Variants in LARS2 observed in about 807,000 individuals in gnomAD.
The protein encoded by LARS2 is leucyl-tRNA synthetase 2, mitochondrial, also known as leucine--tRNA ligase, mitochondrial.
Under a neutral mutation model 116.6 loss-of-function variants are expected in LARS2, and 81 were observed. That is an observed-to-expected ratio of 0.69 (90% CI 0.58 to 0.84). The LOEUF is 0.84. LARS2 is among the 40% of genes least tolerant of loss of function. The probability of loss-of-function intolerance (pLI) is 0.00; values close to 1 mark genes in which losing one functional copy is unlikely to be tolerated. For synonymous variants in LARS2, 396 were observed against 407.2 expected, an observed-to-expected ratio of 0.97 and a Z score of 0.33; for missense variants, 968 against 1,114.5, an observed-to-expected ratio of 0.87 and a Z score of 1.87.
chr3:45,528,394 G>A (rs577157725), intron 20 of LARS2, among the ~76,000 whole-genome samples: 2 of 152,200 alleles, frequency 1.3e-5, no homozygotes, highest in South Asian at 4.2e-4. Flanking sequence ...ATTGTATTTT[G>A]TGTCCACTTG....
At chr3:45,440,576 T>TTTTTGTTTTG (rs71301232) in intron 6 of LARS2, among the ~76,000 whole-genome samples, 2 of 151,914 alleles carry the variant, frequency 1.3e-5, no homozygotes, top group Non-Finnish European at 2.9e-5. Flanking sequence ...TGCCTCGGGT[T>TTTTTGTTTTG]TTTTGTTTTG....
chr3:45,474,261 G>T lies in LARS2; in HGVS notation c.769G>T (p.Ala257Ser). 6.2e-7 allele frequency: 1 copy of T among 1,609,984 alleles called. No individual in the cohort carries two copies. Among genetic ancestry groups the T allele is most frequent in the Non-Finnish European group, 8.5e-7 (1 of 1,176,980 alleles). Residue 257 changes from alanine to serine, a missense_variant, in exon 9 of 22, where the codon GCA becomes TCA. Ala to Ser is a moderately conservative substitution (Grantham distance 99, BLOSUM62 1). Coordinates refer to ENST00000645846, the MANE Select transcript of LARS2 (RefSeq NM_015340.4). Reference sequence around the variant, plus strand: ...TGCACAGGCCATGCAGGACGCGTTGGCAGACCTTCCAGAATGGTATGGAAT... The same window carrying T: ...TGCACAGGCCATGCAGGACGCGTTGTCAGACCTTCCAGAATGGTATGGAAT... ...AYAKAMQDAL[A>S]DLPEWYGIKG...
At chr3:45,400,943 A>T (rs1698136410) in intron 4 of LARS2, among the ~76,000 whole-genome samples, 2 of 151,848 alleles carry the variant, frequency 1.3e-5, no homozygotes, top group South Asian at 4.2e-4. Flanking sequence ...CCTCCCGAGT[A>T]GCTGGGACTA....
intron 7 of LARS2, among the ~76,000 whole-genome samples, chr3:45,454,640 C>T (rs1699185431): frequency 6.6e-6 from 1 of 152,146 alleles, no homozygotes; most frequent in African/African-American, 2.4e-5. Flanking sequence ...ATGGAATTGG[C>T]TTCAGTAGGT....
At position 45,547,483 on chromosome 3, in the gene LARS2, T is replaced by C. The variant is rs777803539; in HGVS notation, c.2665T>C (p.Phe889Leu). 4 of 1,612,766 alleles carry C rather than the reference T, an allele frequency of 2.5e-6. No individual in the cohort carries two copies. Among genetic ancestry groups the C allele is most frequent in the Non-Finnish European group, 3.4e-6 (4 of 1,179,642 alleles). Residue 889 changes from phenylalanine to leucine, a missense_variant, in exon 22 of 22, where the codon TTC (phenylalanine) becomes CTC (leucine). Transcript: ENST00000645846. ...LLQGRSIKKS[F>L]LSPRTALINF... ...GCAAGGACGAAGCATCAAGAAGTCCTTCCTTTCCCCGAGAACTGCCCTCAT... is the reference window on the plus strand; with the variant it reads ...GCAAGGACGAAGCATCAAGAAGTCCCTCCTTTCCCCGAGAACTGCCCTCAT...
chr3:45,505,837 A>G (rs969253061), intron 15 of LARS2, among the ~76,000 whole-genome samples: 1 of 152,134 alleles, frequency 6.6e-6, no homozygotes, highest in Non-Finnish European at 1.5e-5. Flanking sequence ...TAAATTATTC[A>G]ATGGCCAAGT....
At position 45,547,554 on chromosome 3, in the gene LARS2, C is replaced by T. The variant is rs538841903; in HGVS notation, c.*24C>T. ...GACAGCCAGGAGGCTGCAGCTACCA[C>T]GAGGGCCTCTGAGGAACCTCCTTCC... On this transcript the variant is annotated 3_prime_UTR_variant, in exon 22 of 22. Transcript: ENST00000645846. The T allele has an allele frequency of 1.9e-6, 3 of 1,580,582 alleles. No homozygotes were observed. Among genetic ancestry groups the T allele is most frequent in the East Asian group, 2.3e-5 (1 of 44,416 alleles).
At chr3:45,419,789 G>A in intron 6 of LARS2, 60 bp downstream of exon 6, 1 of 1,344,712 alleles carries the variant, frequency 7.4e-7, no homozygotes. Flanking sequence ...ATGGCAGGGA[G>A]CACTCTTCTT....
chr3:45,421,176 C>T (rs916578572), intron 6 of LARS2: 1 of 152,104 alleles, frequency 6.6e-6, no homozygotes, highest in African/African-American at 2.4e-5. Flanking sequence ...TGCAGATTCT[C>T]AATCCTTCTT....
chr3:45,441,317 A>G (rs766074519), intron 6 of LARS2, among the ~76,000 whole-genome samples: 26 of 152,054 alleles, frequency 1.7e-4, no homozygotes, highest in Non-Finnish European at 2.9e-4. Context: ...GAGCCATTGC[A>G]CCCGGCCCAT....
rs1156814528 is a variant in LARS2 at position 45,484,603 on chromosome 3, C to CAAA, written c.1019-1063_1019-1061dup. Among the ~76,000 whole-genome samples, 45 of 14,726 alleles carry CAAA rather than the reference C, an allele frequency of 3.1e-3. 6 individuals are homozygous for CAAA. Among genetic ancestry groups the CAAA allele is most frequent in the African/African-American group, 7.4e-3 (40 of 5,418 alleles). 9.7% of individuals were successfully genotyped at this position (14,726 alleles called of 152,430 possible). A position where few individuals can be genotyped will look rare whatever the true frequency, so the allele number is the denominator to read the frequency against. ...TGACATAGCAAGACCCCTGTCTCTA[C>CAAA]AAAAAAAAAAAAAAAAAAAAAAAAA... is the stretch of plus-strand genomic sequence containing the variant. On this transcript the variant is annotated intron_variant, in intron 10 of 21. Transcript: ENST00000645846.
chr3:45,476,591 A>G lies in LARS2; in HGVS notation c.982A>G (p.Lys328Glu), dbSNP rs1020095683. 6.2e-7 allele frequency: 1 copy of G among 1,614,018 alleles called. No individual in the cohort carries two copies. Among genetic ancestry groups the G allele is most frequent in the Non-Finnish European group, 8.5e-7 (1 of 1,180,002 alleles). The change falls in exon 10 of 22, where the codon AAG becomes GAG. Residue 328 changes from lysine (K) to glutamate (E), a missense_variant. Coordinates refer to ENST00000645846, the MANE Select transcript of LARS2 (RefSeq NM_015340.4). The part of the protein sequence containing the change: ...HRLLHGHSSL[K>E]EALRMALVPG... Reference sequence around the variant, plus strand: ...ACTCCTACATGGGCACAGCTCTCTGAAGGAAGCCTTGAGGATGGCCCTTGT... The same window carrying G: ...ACTCCTACATGGGCACAGCTCTCTGGAGGAAGCCTTGAGGATGGCCCTTGT...
intron 13 of LARS2, among the ~76,000 whole-genome samples, chr3:45,492,995 C>T (rs2125733909): frequency 6.6e-6 from 1 of 152,294 alleles, no homozygotes; most frequent in East Asian, 1.9e-4. Context: ...GGCCTGCATA[C>T]AGCACAGCAG....
At chr3:45,447,283 T>A (rs9848125) in intron 7 of LARS2, among the ~76,000 whole-genome samples, 68 of 152,078 alleles carry the variant, frequency 4.5e-4, no homozygotes, top group South Asian at 6.2e-4. Context: ...TATGTGAACA[T>A]CTGGGTAACT....
In LARS2 at chr3:45,541,860, C is replaced by T; in HGVS notation, c.2436C>T (p.Ala812=). 1 of 1,614,236 alleles carries T rather than the reference C, an allele frequency of 6.2e-7. No individual in the cohort carries two copies. The highest frequency in any genetic ancestry group is 8.5e-7 in the Non-Finnish European group (1 of 1,180,040). The change falls in exon 21 of 22, where the codon GCC becomes GCT. Residue 812 remains alanine (A), a synonymous_variant. Transcript: ENST00000645846. ...CGCTGGTGCCGAGGAAGCTCTGTGC[C>T]CACTACACTTGGGATGCCAGTGTGC... ...GLALVPRKLC[A]HYTWDASVLL...
chr3:45,403,442 A>G (rs1454909891), intron 4 of LARS2, among the ~76,000 whole-genome samples: 1 of 151,794 alleles, frequency 6.6e-6, no homozygotes, highest in Non-Finnish European at 1.5e-5. Flanking sequence ...TCAGCCTTCC[A>G]AGTAGCTGAG....
intron 7 of LARS2, among the ~76,000 whole-genome samples, chr3:45,451,542 G>C (rs1284409683): frequency 6.6e-6 from 1 of 151,990 alleles, no homozygotes; most frequent in Non-Finnish European, 1.5e-5. Flanking sequence ...TGGGTTCTCT[G>C]TTTCATTTCA....
intron 13 of LARS2, among the ~76,000 whole-genome samples, chr3:45,492,223 A>G (rs976710383): frequency 1.3e-5 from 2 of 152,240 alleles, no homozygotes; most frequent in Non-Finnish European, 1.5e-5. Context: ...TGGAGATTTT[A>G]TCATGAGTAG....
intron 6 of LARS2, among the ~76,000 whole-genome samples, chr3:45,430,786 C>G (rs974325526): frequency 6.6e-6 from 1 of 150,998 alleles, no homozygotes; most frequent in African/African-American, 2.4e-5. Context: ...GGGGTTTCAC[C>G]GTGTTAGCCA....
Sources: gnomAD v4.1 joint callset for allele counts (sites outside exome capture counted in the v4.1 genomes callset) on GRCh38, gnomAD v4.1.1 for gene constraint, MANE v1.5 for transcripts, NCBI Gene and HGNC (gene_info 2026-07-23, HGNC 2026-07-21) for gene names.